EXT1: variants seen among roughly 807,000 people sequenced by gnomAD.
The protein encoded by EXT1 is exostosin glycosyltransferase 1, also known as exostosin-1.
A neutral mutation model predicts 82.5 loss-of-function variants in EXT1; 20 were observed. The observed-to-expected ratio is 0.24, with a 90% CI of 0.17 to 0.35. The LOEUF is 0.35. EXT1 is among the 10% of genes least tolerant of loss of function. EXT1 has a pLI of 1.00. For missense variants in EXT1, 757 were observed against 936.5 expected (o/e 0.81, Z 2.50); for synonymous variants, 348 against 350.8 (o/e 0.99, Z 0.09).
intron 1 of EXT1, among the ~76,000 whole-genome samples, chr8:118,093,062 G>A (rs1817549911): frequency 6.6e-6 from 1 of 151,994 alleles, no homozygotes; most frequent in Non-Finnish European, 1.5e-5. Flanking sequence ...ATGCAATATG[G>A]TATTTTTATC....
chr8:117,903,611 AATT>A (rs1813489408), intron 1 of EXT1, among the ~76,000 whole-genome samples: 1 of 152,218 alleles, frequency 6.6e-6, no homozygotes, highest in Non-Finnish European at 1.5e-5. Context: ...CAGTATTAAA[AATT>A]ATTTTCAGTC....
At chr8:117,845,152 T>C (rs1812332693) in intron 1 of EXT1, among the ~76,000 whole-genome samples, 1 of 152,168 alleles carries the variant, frequency 6.6e-6, no homozygotes, top group Non-Finnish European at 1.5e-5. Flanking sequence ...GGGAGGCAGA[T>C]AACATTTTGT....
chr8:117,809,378 T>C (rs1823286400), intron 8 of EXT1, among the ~76,000 whole-genome samples: 1 of 151,560 alleles, frequency 6.6e-6, no homozygotes, highest in South Asian at 2.1e-4. Flanking sequence ...GTCTCACGCC[T>C]ATAATCCCAG....
intron 1 of EXT1, among the ~76,000 whole-genome samples, chr8:117,960,381 T>C (rs902881645): frequency 5.3e-5 from 8 of 152,300 alleles, no homozygotes; most frequent in East Asian, 3.9e-4. Context: ...TAACTCCACC[T>C]CAACTTTGCT....
At chr8:118,089,683 A>G (rs1817487964) in intron 1 of EXT1, among the ~76,000 whole-genome samples, 3 of 152,228 alleles carry the variant, frequency 2.0e-5, no homozygotes. Context: ...CAGATTATTA[A>G]AAACCTTGGG....
At chr8:117,875,338 T>G (rs1379969991) in intron 1 of EXT1, among the ~76,000 whole-genome samples, 2 of 152,018 alleles carry the variant, frequency 1.3e-5, no homozygotes, top group African/African-American at 2.4e-5. Flanking sequence ...GGAGAACCGC[T>G]TGAACCCGGG....
intron 1 of EXT1, among the ~76,000 whole-genome samples, chr8:117,865,024 A>G (rs1812752193): frequency 6.6e-6 from 1 of 152,174 alleles, no homozygotes; most frequent in Non-Finnish European, 1.5e-5. Flanking sequence ...ACCATGACAG[A>G]AACCCAAATG....
intron 8 of EXT1, among the ~76,000 whole-genome samples, chr8:117,812,396 A>G (rs1823340716): frequency 6.6e-6 from 1 of 152,212 alleles, no homozygotes; most frequent in Admixed American, 6.5e-5. Context: ...TATAGGTGAA[A>G]GAAAATGAGC....
chr8:118,039,827 G>T (rs1367237972), intron 1 of EXT1, among the ~76,000 whole-genome samples: 1 of 151,942 alleles, frequency 6.6e-6, no homozygotes, highest in African/African-American at 2.4e-5. Flanking sequence ...ATTTCTTCCA[G>T]GAATAAATAA....
intron 1 of EXT1, among the ~76,000 whole-genome samples, chr8:118,059,100 A>G (rs1174200107): frequency 6.6e-6 from 1 of 152,244 alleles, no homozygotes; most frequent in Non-Finnish European, 1.5e-5. Flanking sequence ...AAACAGAAAT[A>G]CACCTACTTT....
At chr8:117,927,240 A>C (rs142656814) in intron 1 of EXT1, among the ~76,000 whole-genome samples, 1 of 152,308 alleles carries the variant, frequency 6.6e-6, no homozygotes, top group East Asian at 1.9e-4. Context: ...CTTGTGTTAC[A>C]TCAAAAAGGT....
chr8:117,848,038 T>C (rs1812391566), intron 1 of EXT1, among the ~76,000 whole-genome samples: 1 of 152,148 alleles, frequency 6.6e-6, no homozygotes, highest in Non-Finnish European at 1.5e-5. Context: ...TGGTACCGAA[T>C]ACACAAACAA....
intron 1 of EXT1, among the ~76,000 whole-genome samples, chr8:117,933,985 A>G (rs1814110786): frequency 6.6e-6 from 1 of 152,086 alleles, no homozygotes; most frequent in South Asian, 2.1e-4. Context: ...GAGTCTCACC[A>G]CAATCCCACC....
chr8:118,037,045 G>C (rs13251917), intron 1 of EXT1, among the ~76,000 whole-genome samples: 1 of 152,136 alleles, frequency 6.6e-6, no homozygotes, highest in South Asian at 2.1e-4. Context: ...TCAAGCAAGA[G>C]TAAGAAACAC....
At chr8:117,809,223 AT>A (rs1469533082) in intron 8 of EXT1, among the ~76,000 whole-genome samples, 1 of 129,464 alleles carries the variant, frequency 7.7e-6, no homozygotes, top group Non-Finnish European at 1.7e-5. Flanking sequence ...GTATAAATAT[AT>A]ATATATATAT....
At chr8:117,839,408 A>T (rs947369809) in intron 1 of EXT1, among the ~76,000 whole-genome samples, 2 of 152,228 alleles carry the variant, frequency 1.3e-5, no homozygotes, top group African/African-American at 4.8e-5. Flanking sequence ...CCATACCATT[A>T]TATGTATGTG....
At chr8:117,900,222 G>T (rs563274116) in intron 1 of EXT1, among the ~76,000 whole-genome samples, 1 of 152,182 alleles carries the variant, frequency 6.6e-6, no homozygotes, top group Non-Finnish European at 1.5e-5. Flanking sequence ...CTGACTGATG[G>T]TCTGGAAGCA....
intron 1 of EXT1, among the ~76,000 whole-genome samples, chr8:118,038,414 T>A (rs563298293): frequency 1.3e-5 from 2 of 152,220 alleles, no homozygotes; most frequent in Admixed American, 1.3e-4. Context: ...GCAGAATCCC[T>A]GTAGAGTCCA....
intron 1 of EXT1, among the ~76,000 whole-genome samples, chr8:118,098,492 C>T (rs112186631): frequency 1.3e-5 from 2 of 152,080 alleles, no homozygotes; most frequent in African/African-American, 4.8e-5. Flanking sequence ...GTGGCTCGCT[C>T]ATACCTGTAA....
Sources: allele counts gnomAD v4.1 joint callset (sites outside exome capture counted in the v4.1 genomes callset), GRCh38; gene constraint gnomAD v4.1.1; transcripts MANE v1.5; gene names NCBI Gene and HGNC (gene_info 2026-07-23, HGNC 2026-07-21).